The following SPATS2 variants were observed in gnomAD, a reference collection of about 807,000 sequenced individuals.
SPATS2 encodes spermatogenesis associated serine rich 2, also known as spermatogenesis-associated serine-rich protein 2.
A neutral mutation model predicts 63.7 loss-of-function variants in SPATS2; 38 were observed. The ratio of observed to expected loss-of-function variants is 0.60; its 90% CI spans 0.46 to 0.78. The LOEUF is 0.78. SPATS2 is among the 30% of genes least tolerant of loss of function. The probability of loss-of-function intolerance (pLI) is 0.00; values close to 1 mark genes in which losing one functional copy is unlikely to be tolerated. For missense variants in SPATS2, 588 were observed against 666.2 expected, an observed-to-expected ratio of 0.88 and a Z score of 1.29; for synonymous variants, 207 against 232.9, an observed-to-expected ratio of 0.89 and a Z score of 1.01.
chr12:49,384,108 G>T (rs1034084800), intron 2 of SPATS2, among the ~76,000 whole-genome samples: 35 of 152,132 alleles, frequency 2.3e-4, no homozygotes, highest in African/African-American at 8.0e-4. Context: ...GACTTGATTT[G>T]GATTCCTCCA....
At chr12:49,379,797 AT>A (rs1176289848) in intron 2 of SPATS2, among the ~76,000 whole-genome samples, 3 of 151,570 alleles carry the variant, frequency 2.0e-5, no homozygotes, top group Admixed American at 6.6e-5. Flanking sequence ...TAATTTTTGT[AT>A]TTTTAGTAGA....
intron 4 of SPATS2, chr12:49,486,160 C>T (rs992961680): frequency 3.6e-5 from 16 of 443,266 alleles, no homozygotes; most frequent in East Asian, 7.0e-5. Flanking sequence ...TTACCTTTAT[C>T]GTAGAGTCTG....
At chr12:49,427,737 TTTTCAAG>T (rs1376909725) in intron 2 of SPATS2, among the ~76,000 whole-genome samples, 2 of 152,174 alleles carry the variant, frequency 1.3e-5, no homozygotes, top group African/African-American at 4.8e-5. Context: ...GGTAACTTGT[TTTTCAAG>T]AAATTTATTA....
chr12:49,477,063 A>G (rs1018441972), intron 3 of SPATS2, among the ~76,000 whole-genome samples: 2 of 151,834 alleles, frequency 1.3e-5, no homozygotes, highest in African/African-American at 4.8e-5. Context: ...CAAGATCGCC[A>G]TTACACTCCG....
intron 2 of SPATS2, among the ~76,000 whole-genome samples, chr12:49,426,630 G>A (rs1050334403): frequency 3.9e-5 from 6 of 152,098 alleles, no homozygotes; most frequent in Admixed American, 1.3e-4. Flanking sequence ...TGCAAGCTCC[G>A]CCTCCCGGGT....
At chr12:49,453,853 ATTC>A (rs1052520459) in intron 2 of SPATS2, among the ~76,000 whole-genome samples, 1 of 109,242 alleles carries the variant, frequency 9.2e-6, no homozygotes, top group African/African-American at 3.7e-5. Flanking sequence ...AGCAAATAGC[ATTC>A]TTTTTTTTTT....
intron 3 of SPATS2, chr12:49,462,835 TCTC>T (rs1020264477): frequency 1.2e-5 from 3 of 240,396 alleles, no homozygotes; most frequent in South Asian, 5.6e-5. Flanking sequence ...TCCAGCTAGT[TCTC>T]CTCTCTGCCA....
chr12:49,477,051 G>A (rs893495480), intron 3 of SPATS2, among the ~76,000 whole-genome samples: 1 of 151,056 alleles, frequency 6.6e-6, no homozygotes, highest in Non-Finnish European at 1.5e-5. Flanking sequence ...GTTGCAGTGA[G>A]CCAAGATCGC....
rs568731032 is a variant in SPATS2 at position 49,394,841 on chromosome 12, G to A, written c.-244+23551G>A. 2.1e-3 allele frequency among the ~76,000 whole-genome samples: 322 copies of A among 152,224 alleles called. 2 individuals are homozygous for A. The highest frequency in any genetic ancestry group is 3.4e-3 in the Middle Eastern group (1 of 294). On this transcript the variant is annotated intron_variant, in intron 2 of 13. Coordinates refer to ENST00000552918, the MANE Select transcript of SPATS2 (RefSeq NM_023071.4). ...AATCCCAGCACTTTGGGAGGCCGAG[G>A]CAGGTGGATCACCTGAGGTCAGGAG...
At chr12:49,489,278 C>CACATGATA (rs1946345775) in intron 4 of SPATS2, among the ~76,000 whole-genome samples, 187 bp from the exon 5 acceptor site, 1 of 152,172 alleles carries the variant, frequency 6.6e-6, no homozygotes, top group African/African-American at 2.4e-5. Flanking sequence ...ATTAATTTTT[C>CACATGATA]ACATGCTGTT....
intron 2 of SPATS2, among the ~76,000 whole-genome samples, chr12:49,450,027 CTTATAATA>C (rs1338427903): frequency 6.6e-6 from 1 of 152,114 alleles, no homozygotes; most frequent in African/African-American, 2.4e-5. Context: ...TCATGACTCT[CTTATAATA>C]TGATTTCTCT....
intron 2 of SPATS2, among the ~76,000 whole-genome samples, chr12:49,447,339 A>G (rs1414697378): frequency 6.6e-6 from 1 of 152,082 alleles, no homozygotes; most frequent in Non-Finnish European, 1.5e-5. Flanking sequence ...CCTGGGTTCA[A>G]GCGATTCTCT....
At chr12:49,476,671 C>T (rs141970811) in intron 3 of SPATS2, among the ~76,000 whole-genome samples, 9 of 152,344 alleles carry the variant, frequency 5.9e-5, no homozygotes, top group African/African-American at 1.9e-4. Flanking sequence ...AAGCGAGCCA[C>T]ACCCCCACTG....
chr12:49,516,636 G>T (rs1387987032), intron 10 of SPATS2, among the ~76,000 whole-genome samples: 3 of 151,642 alleles, frequency 2.0e-5, no homozygotes, highest in Non-Finnish European at 4.4e-5. Context: ...AACCCAGGGG[G>T]CAGAGGTTGC....
intron 9 of SPATS2, among the ~76,000 whole-genome samples, chr12:49,510,111 TA>T (rs1946725488): frequency 6.6e-6 from 1 of 150,952 alleles, no homozygotes; most frequent in Non-Finnish European, 1.5e-5. Context: ...TTTTTTTTTT[TA>T]AATTAGCCAA....
chr12:49,498,141 A>ATATATATATATATATATAT (rs1555191148), intron 8 of SPATS2, among the ~76,000 whole-genome samples: 1 of 74,358 alleles, frequency 1.3e-5, no homozygotes, highest in African/African-American at 7.9e-5. Flanking sequence ...CCAAAAAAAA[A>ATATATATATATATATATAT]AAAAATATAT....
At chr12:49,447,585 C>A (rs2054988110) in intron 2 of SPATS2, among the ~76,000 whole-genome samples, 1 of 152,162 alleles carries the variant, frequency 6.6e-6, no homozygotes, top group African/African-American at 2.4e-5. Context: ...ATTATTTCTT[C>A]TTTAAATATT....
At chr12:49,441,038 AT>A (rs1370361118) in intron 2 of SPATS2, among the ~76,000 whole-genome samples, 1 of 152,204 alleles carries the variant, frequency 6.6e-6, no homozygotes, top group Non-Finnish European at 1.5e-5. Flanking sequence ...TTTTCAAAAA[AT>A]TTATTTAACA....
chr12:49,389,790 G>A, intron 2 of SPATS2: 1 of 1,153,164 alleles, frequency 8.7e-7, no homozygotes. Flanking sequence ...ATCCCTGGAA[G>A]AACATCAGTC....
Sources: gnomAD v4.1 joint callset for allele counts (sites outside exome capture counted in the v4.1 genomes callset) on GRCh38, gnomAD v4.1.1 for gene constraint, MANE v1.5 for transcripts, NCBI Gene and HGNC (gene_info 2026-07-23, HGNC 2026-07-21) for gene names.